Variants in HS6ST3 observed in about 807,000 individuals in gnomAD.
The protein encoded by HS6ST3 is heparan sulfate 6-O-sulfotransferase 3, also known as heparan-sulfate 6-O-sulfotransferase 3.
A neutral mutation model predicts 36.7 loss-of-function variants in HS6ST3; 12 were observed. That is an observed-to-expected ratio of 0.33 (90% confidence interval 0.21 to 0.53). The LOEUF (loss-of-function observed/expected upper bound fraction) is 0.53. Ranked by LOEUF, HS6ST3 falls within the 20% of genes least tolerant of loss-of-function variation. HS6ST3 has a pLI of 0.95. For synonymous variants in HS6ST3, 240 were observed against 257.5 expected, an observed-to-expected ratio of 0.93 and a Z score of 0.65; for missense variants, 584 against 640.9, an observed-to-expected ratio of 0.91 and a Z score of 0.96.
chr13:96,518,551 C>T lies in HS6ST3; in HGVS notation c.708-313939C>T, dbSNP rs572705131. On this transcript the variant is annotated intron_variant, in intron 1 of 1. Coordinates refer to ENST00000376705, the MANE Select transcript of HS6ST3 (RefSeq NM_153456.4). ...AAAAGAAATTCTGTAAACATTCTGTCTTATTATTTGTTTGGTATGAGTAAC... is the reference window on the plus strand; with the variant it reads ...AAAAGAAATTCTGTAAACATTCTGTTTTATTATTTGTTTGGTATGAGTAAC... 6.6e-5 allele frequency among the ~76,000 whole-genome samples: 10 copies of T among 152,088 alleles called. 1 individual carries two copies. The highest frequency in any genetic ancestry group is 6.6e-4 in the Admixed American group (10 of 15,262).
At chr13:96,472,499 C>T (rs747331780) in intron 1 of HS6ST3, among the ~76,000 whole-genome samples, 1 of 152,180 alleles carries the variant, frequency 6.6e-6, no homozygotes, top group Non-Finnish European at 1.5e-5. Flanking sequence ...AGACTTCTTC[C>T]TGGAAGCCCT....
chr13:96,381,211 A>C (rs1329916877), intron 1 of HS6ST3, among the ~76,000 whole-genome samples: 1 of 152,110 alleles, frequency 6.6e-6, no homozygotes, highest in African/African-American at 2.4e-5. Context: ...GGGCACTGCT[A>C]TTTTCTTTGG....
chr13:96,358,445 T>C (rs1159593727), intron 1 of HS6ST3, among the ~76,000 whole-genome samples: 2 of 152,178 alleles, frequency 1.3e-5, no homozygotes, highest in African/African-American at 4.8e-5. Context: ...ATGTTACATC[T>C]GGTCTCATCA....
At chr13:96,133,222 G>A (rs1009198264) in intron 1 of HS6ST3, among the ~76,000 whole-genome samples, 15 of 152,128 alleles carry the variant, frequency 9.9e-5, no homozygotes, top group African/African-American at 3.1e-4. Flanking sequence ...TCCGCCTTCC[G>A]GTTTCAAGTG....
chr13:96,154,209 A>T (rs2054100090), intron 1 of HS6ST3, among the ~76,000 whole-genome samples: 1 of 152,058 alleles, frequency 6.6e-6, no homozygotes, highest in Admixed American at 6.5e-5. Context: ...AGAGTGGCAG[A>T]CTCATCAGTT....
chr13:96,288,405 G>T (rs1030108392), intron 1 of HS6ST3, among the ~76,000 whole-genome samples: 5 of 152,028 alleles, frequency 3.3e-5, no homozygotes, highest in Non-Finnish European at 5.9e-5. Context: ...TACTCAAAAT[G>T]TTACCAGCTA....
chr13:96,220,952 A>T (rs2054452087), intron 1 of HS6ST3, among the ~76,000 whole-genome samples: 1 of 152,182 alleles, frequency 6.6e-6, no homozygotes. Context: ...CTGCTGCAAT[A>T]CTGACTCATA....
intron 1 of HS6ST3, among the ~76,000 whole-genome samples, chr13:96,823,083 C>T (rs1175066022): frequency 6.6e-6 from 1 of 152,226 alleles, no homozygotes; most frequent in African/African-American, 2.4e-5. Context: ...CACCTGTCTC[C>T]AGCACCCTCT....
At chr13:96,702,042 A>G (rs1875302141) in intron 1 of HS6ST3, among the ~76,000 whole-genome samples, 1 of 152,232 alleles carries the variant, frequency 6.6e-6, no homozygotes, top group Non-Finnish European at 1.5e-5. Context: ...CAGAGGCTGC[A>G]TAGAGATGAG....
intron 1 of HS6ST3, among the ~76,000 whole-genome samples, chr13:96,702,827 G>A (rs1319967130): frequency 6.6e-6 from 1 of 152,200 alleles, no homozygotes; most frequent in East Asian, 1.9e-4. Context: ...ACGAGTAAAA[G>A]GGGTGAGAGA....
chr13:96,522,823 C>T (rs2056099110), intron 1 of HS6ST3, among the ~76,000 whole-genome samples: 1 of 152,056 alleles, frequency 6.6e-6, no homozygotes, highest in African/African-American at 2.4e-5. Flanking sequence ...TTCAATTGGC[C>T]ATCTGTGTCT....
intron 1 of HS6ST3, among the ~76,000 whole-genome samples, chr13:96,400,888 T>C (rs1255950153): frequency 6.6e-6 from 1 of 151,998 alleles, no homozygotes; most frequent in Non-Finnish European, 1.5e-5. Context: ...TTCTACCTCC[T>C]GGTTTCCAGA....
chr13:96,667,600 G>A (rs1042007818), intron 1 of HS6ST3, among the ~76,000 whole-genome samples: 5 of 152,142 alleles, frequency 3.3e-5, no homozygotes, highest in Admixed American at 2.0e-4. Flanking sequence ...GAAATCACAC[G>A]TGGGGAAACA....
chr13:96,267,337 A>C (rs1344569368), intron 1 of HS6ST3, among the ~76,000 whole-genome samples: 1 of 152,136 alleles, frequency 6.6e-6, no homozygotes, highest in East Asian at 1.9e-4. Flanking sequence ...CATTAACAGG[A>C]AATAGTATTT....
At chr13:96,446,013 A>C (rs1445522592) in intron 1 of HS6ST3, among the ~76,000 whole-genome samples, 4 of 152,064 alleles carry the variant, frequency 2.6e-5, no homozygotes, top group Non-Finnish European at 5.9e-5. Flanking sequence ...TCTACTAAAA[A>C]TACAAAAAAA....
At chr13:96,649,634 C>T (rs1395450962) in intron 1 of HS6ST3, among the ~76,000 whole-genome samples, 3 of 152,068 alleles carry the variant, frequency 2.0e-5, no homozygotes, top group African/African-American at 7.2e-5. Flanking sequence ...CCACTTCCTC[C>T]ACCTCCATTA....
chr13:96,821,981 A>C (rs1295809045), intron 1 of HS6ST3, among the ~76,000 whole-genome samples: 1 of 152,242 alleles, frequency 6.6e-6, no homozygotes, highest in East Asian at 1.9e-4. Flanking sequence ...TTTCCTGTCC[A>C]AATTGGCTGG....
intron 1 of HS6ST3, among the ~76,000 whole-genome samples, chr13:96,785,651 GAACAACAAC>G (rs375673374): frequency 6.6e-6 from 1 of 151,880 alleles, no homozygotes; most frequent in Admixed American, 6.6e-5. Flanking sequence ...GCATGGGCTG[GAACAACAAC>G]AACAACAACA....
intron 1 of HS6ST3, among the ~76,000 whole-genome samples, chr13:96,250,725 C>T (rs558826462): frequency 5.8e-4 from 88 of 152,256 alleles, no homozygotes; most frequent in Non-Finnish European, 1.0e-3. Context: ...TCTCTCCGTT[C>T]GGCAAAATAT....
Sources: gnomAD v4.1 joint callset for allele counts (sites outside exome capture counted in the v4.1 genomes callset) on GRCh38, gnomAD v4.1.1 for gene constraint, MANE v1.5 for transcripts, NCBI Gene and HGNC (gene_info 2026-07-23, HGNC 2026-07-21) for gene names.